The following CCND3 variants were observed in gnomAD, a reference collection of about 807,000 sequenced individuals.
CCND3 encodes cyclin D3.
Under a neutral mutation model 28.7 loss-of-function variants are expected in CCND3, and 9 were observed. That is an observed-to-expected ratio of 0.31 (90% CI 0.19 to 0.55). The LOEUF is 0.55. CCND3 is among the 20% of genes least tolerant of loss of function. The pLI, the probability that CCND3 is intolerant of heterozygous loss-of-function variation, is 0.93. For synonymous variants in CCND3, 164 were observed against 163.9 expected (o/e 1.00, Z 0.00); for missense variants, 315 against 385.8 (o/e 0.82, Z 1.54).
chr6:41,936,643 C>G lies in CCND3; in HGVS notation c.627G>C (p.Gly209=), dbSNP rs772350485. Residue 209 remains glycine, a synonymous_variant, in exon 4 of 5, where the codon GGG becomes GGC. Coordinates refer to ENST00000372991, the MANE Select transcript of CCND3 (RefSeq NM_001760.5). This position sits in a 1 kb window ranked among gnomAD's most constrained non-coding sequence, Gnocchi z 4.4. ...AGGCACCCAGGCCTTGCACTGCAGC[C>G]CCAATGCTGCCCGTGGCGATCATGG... is the stretch of plus-strand genomic sequence containing the variant. ...PPSMIATGSI[G]AAVQGLGACS... 4 of 1,614,114 alleles carry G rather than the reference C, an allele frequency of 2.5e-6. No individual in the cohort carries two copies. In the Admixed American group the frequency reaches 6.7e-5, roughly 27 times the overall value.
chr6:41,957,905 G>A (rs1435944039), intron 1 of CCND3, among the ~76,000 whole-genome samples: 2 of 151,682 alleles, frequency 1.3e-5, no homozygotes, highest in African/African-American at 2.4e-5. Context: ...AGCTGGTCTC[G>A]AACTCCTGGC....
intron 1 of CCND3, among the ~76,000 whole-genome samples, chr6:41,954,124 A>C (rs1776379538): frequency 6.6e-6 from 1 of 150,550 alleles, no homozygotes; most frequent in African/African-American, 2.4e-5. Context: ...GGTGGTGTGC[A>C]CCTATAGTCC....
intron 1 of CCND3, among the ~76,000 whole-genome samples, chr6:42,027,164 G>A (rs1404142467): frequency 2.0e-5 from 3 of 152,172 alleles, no homozygotes; most frequent in Non-Finnish European, 4.4e-5. Context: ...ACTAGGCCGG[G>A]CGCGGTGGCT....
intron 1 of CCND3, among the ~76,000 whole-genome samples, chr6:42,022,454 G>A (rs139238197): frequency 3.7e-4 from 56 of 152,318 alleles, no homozygotes; most frequent in African/African-American, 1.1e-3. Context: ...ACAAACAATC[G>A]TTGTATTACC....
At position 41,940,382 on chromosome 6, in the gene CCND3, G is replaced by A. The variant is rs1256017414; in HGVS notation, c.402C>T (p.Pro134=). The change falls in exon 2 of 5, where the codon CCC becomes CCT. Residue 134 remains proline, a synonymous_variant. Transcript: ENST00000372991. ...GTTACACACGCACCCGCAACTGGCG[G>A]GGAGAGACAGCGTGGTCGGTGTAGA... is the stretch of plus-strand genomic sequence containing the variant. ...LCIYTDHAVS[P]RQLRDWEVLV... The A allele has an allele frequency of 6.2e-7, 1 of 1,614,066 alleles. No individual in the cohort carries two copies. Among genetic ancestry groups the A allele is most frequent in the Admixed American group, 1.7e-5 (1 of 60,020 alleles).
intron 1 of CCND3, among the ~76,000 whole-genome samples, chr6:41,984,344 T>G (rs1050771101): frequency 2.0e-5 from 3 of 152,066 alleles, no homozygotes; most frequent in African/African-American, 4.8e-5. Flanking sequence ...AGTTCTGTTT[T>G]TTTGTTTGTT....
At position 41,936,168 on chromosome 6, in the gene CCND3, G is replaced by A. The variant is rs1429398658; in HGVS notation, c.712-61C>T. 1 of 1,505,092 alleles carries A rather than the reference G, an allele frequency of 6.6e-7. No homozygotes were observed. Among genetic ancestry groups the A allele is most frequent in the East Asian group, 2.3e-5 (1 of 44,048 alleles). The allele number at this position is 1,505,092 out of a possible 1,614,324, so 93.2% of individuals were successfully genotyped here. A position where few individuals can be genotyped will look rare whatever the true frequency, so the allele number is the denominator to read the frequency against. On this transcript the variant is annotated intron_variant, in intron 4 of 4. Transcript: ENST00000372991. The surrounding 1 kb of genome is among the most constrained non-coding windows in gnomAD (Gnocchi z 4.4). ...CCCCCCATAGCATCTGGCAGCAGGT[G>A]CAGGGGAAGGACAGCTCCCAACACA...
intron 1 of CCND3, chr6:42,030,152 G>A (rs1320030054): frequency 5.3e-5 from 8 of 152,332 alleles, no homozygotes; most frequent in Non-Finnish European, 1.0e-4. Context: ...AAGCCCCTAG[G>A]TGCCCATGTC....
In CCND3 at chr6:41,997,978, TAAAA is replaced by T. The variant is rs373867665; in HGVS notation, c.-46+50519_-46+50522del. Among the ~76,000 whole-genome samples, 1,199 of 139,730 alleles carry T rather than the reference TAAAA, an allele frequency of 8.6e-3. 8 individuals are homozygous for T. Among genetic ancestry groups the T allele is most frequent in the African/African-American group, 0.017 (658 of 37,654 alleles). The allele number at this position is 139,730 out of a possible 152,430, so 91.7% of individuals were successfully genotyped here. A position where few individuals can be genotyped will look rare whatever the true frequency, so the allele number is the denominator to read the frequency against. The stretch of plus-strand genomic sequence containing the variant: ...CAACATGGCAAAACCCAGTATCTAC[TAAAA>T]AAAAAAAAAAAAAAATTACAAAAAT... On this transcript the variant is annotated intron_variant, in intron 1 of 4. Coordinates refer to the CCND3 transcript ENST00000372988.
upstream of CCND3, among the ~76,000 whole-genome samples, chr6:41,945,320 C>T (rs143870375): frequency 2.0e-5 from 3 of 152,270 alleles, no homozygotes; most frequent in East Asian, 5.8e-4. Context: ...TCGAGACCAG[C>T]CTGGCCAACA....
chr6:41,988,403 ATAAC>A (rs1179909994), intron 1 of CCND3, among the ~76,000 whole-genome samples: 21 of 152,110 alleles, frequency 1.4e-4, no homozygotes, highest in Non-Finnish European at 2.4e-4. Context: ...TGCTGCCTAA[ATAAC>A]TACCCCATTT....
chr6:41,949,597 C>CA (rs901742733), intron 1 of CCND3, among the ~76,000 whole-genome samples: 23 of 139,758 alleles, frequency 1.6e-4, no homozygotes, highest in South Asian at 4.5e-4. Flanking sequence ...CGTCTCAAAA[C>CA]AAAAAAAAAA....
intron 1 of CCND3, among the ~76,000 whole-genome samples, chr6:42,024,402 C>A (rs998075534): frequency 6.9e-4 from 88 of 126,730 alleles, no homozygotes; most frequent in African/African-American, 8.7e-4. Context: ...GACTCAGTCT[C>A]AAAAAAAAAA....
chr6:41,947,246 A>T (rs1776194692), intron 1 of CCND3, among the ~76,000 whole-genome samples: 1 of 151,982 alleles, frequency 6.6e-6, no homozygotes, highest in Non-Finnish European at 1.5e-5. Context: ...AAAGAAAAGA[A>T]ACAGCCTGGA....
chr6:41,955,677 A>G (rs1312176845), intron 1 of CCND3, among the ~76,000 whole-genome samples: 1 of 151,726 alleles, frequency 6.6e-6, no homozygotes, highest in East Asian at 1.9e-4. Flanking sequence ...AAATTAGCCA[A>G]ACTGTAATCC....
At chr6:42,000,296 G>A (rs376286776) in intron 1 of CCND3, among the ~76,000 whole-genome samples, 1,237 of 109,400 alleles carry the variant, frequency 0.011, 31 homozygotes, top group South Asian at 0.026. Flanking sequence ...TTGGAGTTCA[G>A]TGGCGCGATC....
At chr6:41,948,955 A>T (rs1776238269) in intron 1 of CCND3, among the ~76,000 whole-genome samples, 1 of 152,230 alleles carries the variant, frequency 6.6e-6, no homozygotes, top group Admixed American at 6.5e-5. Context: ...CACAGTAGAT[A>T]GCACATGTCC....
chr6:42,034,639 G>C (rs972523044), intron 1 of CCND3, among the ~76,000 whole-genome samples: 1 of 151,670 alleles, frequency 6.6e-6, no homozygotes, highest in South Asian at 2.1e-4. Context: ...CACCATGCCC[G>C]GTTATCTGTG....
chr6:42,045,812 C>T (rs1161116303), intron 1 of CCND3, among the ~76,000 whole-genome samples: 2 of 152,202 alleles, frequency 1.3e-5, no homozygotes, highest in Non-Finnish European at 2.9e-5. Flanking sequence ...CCAGAACTTT[C>T]CCCACCCCCA....
Sources: gnomAD v4.1 joint callset for allele counts (sites outside exome capture counted in the v4.1 genomes callset) on GRCh38, gnomAD v4.1.1 for gene constraint, Gnocchi (gnomAD v3.1) non-coding constraint, MANE v1.5 for transcripts, NCBI Gene and HGNC (gene_info 2026-07-23, HGNC 2026-07-21) for gene names.